SUPT3H: variants seen among roughly 807,000 people sequenced by gnomAD.
The protein encoded by SUPT3H is transcription initiation protein SPT3 homolog.
SUPT3H carries 44 observed loss-of-function variants against 44.3 expected under a neutral mutation model. That is an observed-to-expected ratio of 0.99 (90% CI 0.78 to 1.28). The LOEUF is 1.28. Ranked by LOEUF, SUPT3H falls within the 50% of genes most tolerant of loss-of-function variation. The pLI, the probability that SUPT3H is intolerant of heterozygous loss-of-function variation, is 0.00. For missense variants in SUPT3H, 380 were observed against 387.1 expected, an observed-to-expected ratio of 0.98 and a Z score of 0.15; for synonymous variants, 124 against 125.6, an observed-to-expected ratio of 0.99 and a Z score of 0.09.
chr6:45,003,268 T>G (rs955943830), intron 6 of SUPT3H, among the ~76,000 whole-genome samples: 3 of 152,142 alleles, frequency 2.0e-5, no homozygotes, highest in Non-Finnish European at 1.5e-5. Flanking sequence ...CTCTTCACAC[T>G]ATATATGCCA....
intron 3 of SUPT3H, among the ~76,000 whole-genome samples, chr6:45,059,007 T>C (rs1791559682): frequency 6.6e-6 from 1 of 152,124 alleles, no homozygotes; most frequent in African/African-American, 2.4e-5. Context: ...ATATTTATAA[T>C]ATAGGTGTAA....
intron 2 of SUPT3H, among the ~76,000 whole-genome samples, chr6:45,211,410 T>C (rs908673143): frequency 2.6e-5 from 4 of 152,162 alleles, no homozygotes; most frequent in Admixed American, 6.6e-5. Context: ...AAGTCACTTA[T>C]GTTTTGACCA....
intron 2 of SUPT3H, among the ~76,000 whole-genome samples, chr6:45,149,997 T>C (rs1711917368): frequency 6.6e-6 from 1 of 151,894 alleles, no homozygotes; most frequent in Admixed American, 6.6e-5. Context: ...ACATATCAGG[T>C]AAATTGAATC....
chr6:44,889,297 C>T (rs1326914002), intron 10 of SUPT3H, among the ~76,000 whole-genome samples: 2 of 152,216 alleles, frequency 1.3e-5, no homozygotes, highest in East Asian at 3.9e-4. Flanking sequence ...AAAACAGAGC[C>T]CGCATCACCA....
intron 3 of SUPT3H, among the ~76,000 whole-genome samples, chr6:45,061,413 A>G (rs984605658): frequency 2.0e-5 from 3 of 152,140 alleles, no homozygotes; most frequent in African/African-American, 7.2e-5. Context: ...ACGTAGAAAC[A>G]CTGTGGGGAA....
At chr6:45,250,321 TTTTC>T (rs1422066408) in intron 2 of SUPT3H, among the ~76,000 whole-genome samples, 1 of 151,274 alleles carries the variant, frequency 6.6e-6, no homozygotes, top group Non-Finnish European at 1.5e-5. Context: ...CCCCAGAGGC[TTTTC>T]TTTCAATGAA....
At chr6:45,181,563 G>T (rs1813192966) in intron 2 of SUPT3H, among the ~76,000 whole-genome samples, 1 of 151,840 alleles carries the variant, frequency 6.6e-6, no homozygotes, top group African/African-American at 2.4e-5. Context: ...CATGTCCTTT[G>T]TAGGGACATG....
chr6:45,238,167 T>A lies in SUPT3H; in HGVS notation c.101+127034A>T, dbSNP rs188074481. Among the ~76,000 whole-genome samples, 100 of 152,282 alleles carry A rather than the reference T, an allele frequency of 6.6e-4. 1 individual carries two copies. Among genetic ancestry groups the A allele is most frequent in the African/African-American group, 2.4e-3 (99 of 41,556 alleles). On this transcript the variant is annotated intron_variant, in intron 2 of 10. Transcript: ENST00000371459. ...TTTTAGTGTTACATTATTCAGTATA[T>A]GGATGATATACTTTGTGCTGCCCCA...
intron 3 of SUPT3H, among the ~76,000 whole-genome samples, chr6:45,076,822 G>C (rs565373157): frequency 6.6e-6 from 1 of 152,128 alleles, no homozygotes; most frequent in African/African-American, 2.4e-5. Context: ...TTCCTAGCAG[G>C]GCCCCCTAGA....
chr6:45,351,075 C>A (rs760150646), intron 2 of SUPT3H, among the ~76,000 whole-genome samples: 1 of 152,124 alleles, frequency 6.6e-6, no homozygotes, highest in Non-Finnish European at 1.5e-5. Context: ...CAAAACCATA[C>A]GCCCCATGTC....
At chr6:45,375,126 G>A (rs1226749863) in intron 1 of SUPT3H, among the ~76,000 whole-genome samples, 1 of 152,230 alleles carries the variant, frequency 6.6e-6, no homozygotes, top group Non-Finnish European at 1.5e-5. Flanking sequence ...AGAATCGCTT[G>A]AACCCAGGAG....
At chr6:45,307,468 G>A (rs767406938) in intron 2 of SUPT3H, among the ~76,000 whole-genome samples, 4 of 152,186 alleles carry the variant, frequency 2.6e-5, no homozygotes, top group South Asian at 4.1e-4. Flanking sequence ...AGCAATATAC[G>A]CTGTTCTGCA....
intron 5 of SUPT3H, among the ~76,000 whole-genome samples, chr6:45,012,093 GTC>G (rs1274765701): frequency 3.4e-5 from 5 of 145,506 alleles, no homozygotes; most frequent in Non-Finnish European, 6.0e-5. Context: ...ATGATTTTTT[GTC>G]TGTTTTTTTT....
At chr6:44,880,821 C>T (rs1778099361) in intron 10 of SUPT3H, among the ~76,000 whole-genome samples, 1 of 151,914 alleles carries the variant, frequency 6.6e-6, no homozygotes. Context: ...TCATATCCAG[C>T]CAAACTAAGC....
At chr6:44,990,604 T>A (rs1159965762) in intron 6 of SUPT3H, among the ~76,000 whole-genome samples, 1 of 152,080 alleles carries the variant, frequency 6.6e-6, no homozygotes, top group Non-Finnish European at 1.5e-5. Flanking sequence ...GGTGATTGGA[T>A]CATGGGGGCA....
At chr6:45,243,271 A>G (rs1244868888) in intron 2 of SUPT3H, among the ~76,000 whole-genome samples, 1 of 151,656 alleles carries the variant, frequency 6.6e-6, no homozygotes. Flanking sequence ...GCAGACAAAA[A>G]AATCTAACAA....
intron 2 of SUPT3H, among the ~76,000 whole-genome samples, chr6:45,207,501 T>C (rs1562690945): frequency 6.6e-6 from 1 of 152,214 alleles, no homozygotes. Context: ...GAGACTAATG[T>C]ATGATCTAGA....
At chr6:45,373,526 C>A (rs1357173827) in intron 1 of SUPT3H, among the ~76,000 whole-genome samples, 1 of 152,126 alleles carries the variant, frequency 6.6e-6, no homozygotes, top group Non-Finnish European at 1.5e-5. Flanking sequence ...AGCACCATTA[C>A]TGTGACTTAA....
chr6:45,345,106 T>G (rs561434851), intron 2 of SUPT3H, among the ~76,000 whole-genome samples: 1 of 152,246 alleles, frequency 6.6e-6, no homozygotes, highest in African/African-American at 2.4e-5. Context: ...CTGCCTCACA[T>G]GGATGTTTTG....
Sources: gnomAD v4.1 joint callset for allele counts (sites outside exome capture counted in the v4.1 genomes callset) on GRCh38, gnomAD v4.1.1 for gene constraint, MANE v1.5 for transcripts, NCBI Gene and HGNC (gene_info 2026-07-23, HGNC 2026-07-21) for gene names.